The following TET3 variants were observed in gnomAD, a reference collection of about 807,000 sequenced individuals.
The protein encoded by TET3 is methylcytosine dioxygenase TET3.
In TET3, 19 loss-of-function variants were observed where a neutral mutation model predicts 141.4. That is an observed-to-expected ratio of 0.13 (90% CI 0.09 to 0.20). TET3 has a LOEUF of 0.20. Ranked by LOEUF, TET3 falls within the 10% of genes least tolerant of loss-of-function variation. The pLI is 1.00. For missense variants in TET3, 1,874 were observed against 2,356.9 expected (o/e 0.80, Z 4.24); for synonymous variants, 1,043 against 980.9 (o/e 1.06, Z -1.18).
chr2:74,011,257 A>C (rs1685420158), intron 3 of TET3, among the ~76,000 whole-genome samples: 1 of 152,130 alleles, frequency 6.6e-6, no homozygotes, highest in African/African-American at 2.4e-5. Context: ...CACTTTAAAA[A>C]TTGAAGTATA....
intron 3 of TET3, among the ~76,000 whole-genome samples, chr2:74,038,776 G>A (rs974665041): frequency 6.6e-6 from 1 of 152,192 alleles, no homozygotes; most frequent in African/African-American, 2.4e-5. Context: ...TTCCCTAGGA[G>A]CAAATGGTGT....
At chr2:74,012,342 C>T (rs187299933) in intron 3 of TET3, among the ~76,000 whole-genome samples, 10 of 152,316 alleles carry the variant, frequency 6.6e-5, no homozygotes, top group Admixed American at 3.3e-4. Flanking sequence ...TGTTTAGTGT[C>T]GTTTGTAGAA....
At chr2:74,010,492 C>G (rs1158992012) in intron 3 of TET3, among the ~76,000 whole-genome samples, 1 of 152,242 alleles carries the variant, frequency 6.6e-6, no homozygotes, top group African/African-American at 2.4e-5. Context: ...ACTGGTCCCT[C>G]TGGTTCAACG....
the TET3 span, among the ~76,000 whole-genome samples, chr2:74,115,302 TCC>T: frequency 1.3e-5 from 2 of 152,142 alleles, no homozygotes; most frequent in African/African-American, 2.4e-5. Context: ...CAAATGATTA[TCC>T]TAAGTTTCTC....
intron 4 of TET3, among the ~76,000 whole-genome samples, chr2:74,070,977 G>GA (rs563927301): frequency 7.0e-4 from 106 of 151,840 alleles, no homozygotes; most frequent in African/African-American, 2.3e-3. Flanking sequence ...CCTGTCTCTA[G>GA]AAAAAAAATC....
At chr2:74,091,362 T>A (rs1012585653) in intron 8 of TET3, among the ~76,000 whole-genome samples, 2 of 152,252 alleles carry the variant, frequency 1.3e-5, no homozygotes, top group African/African-American at 4.8e-5. Flanking sequence ...CTAAGCACTT[T>A]GCCAAGCCCC....
Position 74,101,574 on chromosome 2 carries a change from C to T in TET3, c.4786C>T (p.Leu1596=), listed in dbSNP as rs1691218773. ...LGSSEKLFGA[L]KSEEKLWDPF... is the part of the protein sequence containing the mutation. ...ATCCAGCGAGAAGCTGTTTGGGGCT[C>T]TGAAGTCAGAGGAGAAGCTGTGGGA... The change falls in exon 12 of 12, where the codon CTG becomes TTG. Residue 1596 remains leucine (L), a synonymous_variant. Transcript: ENST00000409262. The surrounding 1 kb of genome is among the most constrained non-coding windows in gnomAD (Gnocchi z 8.5). 1 of 1,608,928 alleles carries T rather than the reference C, an allele frequency of 6.2e-7. No individual in the cohort carries two copies.
intron 8 of TET3, among the ~76,000 whole-genome samples, chr2:74,090,636 A>G (rs926530262): frequency 1.3e-5 from 2 of 151,836 alleles, no homozygotes; most frequent in African/African-American, 2.4e-5. Flanking sequence ...CCTTACCCAG[A>G]CCCCTGCCCT....
chr2:74,008,561 G>C (rs916794482), intron 3 of TET3, among the ~76,000 whole-genome samples: 2 of 152,048 alleles, frequency 1.3e-5, no homozygotes, highest in Non-Finnish European at 2.9e-5. Context: ...TTTTCCCCTG[G>C]GGGTTGATTG....
At chr2:74,088,147 G>T (rs1690263101) in intron 7 of TET3, 109 bp downstream of exon 7, 3 of 1,132,518 alleles carry the variant, frequency 2.6e-6, no homozygotes, top group Non-Finnish European at 3.7e-6. Flanking sequence ...CCTCTCTGCG[G>T]CACTGTTTGT....
intron 4 of TET3, among the ~76,000 whole-genome samples, chr2:74,067,225 G>C (rs569139579): frequency 6.6e-6 from 1 of 152,050 alleles, no homozygotes; most frequent in African/African-American, 2.4e-5. Context: ...TAACTTTTTA[G>C]TTGAAAATAC....
chr2:74,032,124 C>T (rs1173202677), intron 3 of TET3, among the ~76,000 whole-genome samples: 1 of 150,006 alleles, frequency 6.7e-6, no homozygotes, highest in African/African-American at 2.4e-5. Context: ...TGTCCTCCTT[C>T]TCTAAACCTG....
intron 4 of TET3, among the ~76,000 whole-genome samples, chr2:74,048,667 A>G (rs1687780261): frequency 6.6e-6 from 1 of 152,222 alleles, no homozygotes; most frequent in African/African-American, 2.4e-5. Flanking sequence ...AAGGCATAAT[A>G]GAGGCCTTCT....
intron 3 of TET3, among the ~76,000 whole-genome samples, chr2:74,042,988 C>G (rs1687423929): frequency 6.6e-6 from 1 of 152,176 alleles, no homozygotes; most frequent in South Asian, 2.1e-4. Flanking sequence ...AAGAGCCATC[C>G]TAGCCCTTCC....
At chr2:74,054,136 G>A (rs1027880124) in intron 4 of TET3, among the ~76,000 whole-genome samples, 6 of 152,126 alleles carry the variant, frequency 3.9e-5, no homozygotes, top group Non-Finnish European at 8.8e-5. Context: ...CGGGTGTGAC[G>A]GGTGTGGAGG....
intron 3 of TET3, among the ~76,000 whole-genome samples, chr2:74,030,551 A>G (rs1198288636): frequency 1.3e-5 from 2 of 152,184 alleles, no homozygotes. Flanking sequence ...AGTAGTCTTT[A>G]TTGCTCTTGA....
At chr2:74,038,054 G>A (rs957591936) in intron 3 of TET3, among the ~76,000 whole-genome samples, 4 of 152,166 alleles carry the variant, frequency 2.6e-5, no homozygotes, top group African/African-American at 9.7e-5. Context: ...GCCTGCAGAT[G>A]TCTGGAGGAC....
rs1050868135 is a variant in TET3 at position 74,087,959 on chromosome 2, G to A, written c.2809G>A (p.Asp937Asn). The change falls in exon 7 of 12, where the codon GAC becomes AAC. Residue 937 changes from aspartate (D) to asparagine (N), a missense_variant. By Grantham distance (23) the Asp-to-Asn change is conservative. Transcript: ENST00000409262. The surrounding 1 kb of genome is among the most constrained non-coding windows in gnomAD (Gnocchi z 4.3). Reference sequence around the variant, plus strand: ...GGAGGGCATTCCCCGTAGCCTCGGAGACACCCTCTACCAGGAGCTCACCGA... The same window carrying A: ...GGAGGGCATTCCCCGTAGCCTCGGAAACACCCTCTACCAGGAGCTCACCGA... ...AWEGIPRSLG[D>N]TLYQELTDTL... 1 of 1,556,490 alleles carries A rather than the reference G, an allele frequency of 6.4e-7. No homozygotes were observed. Among genetic ancestry groups the A allele is most frequent in the African/African-American group, 1.4e-5 (1 of 73,182 alleles).
chr2:74,052,792 C>T (rs1461430259), intron 4 of TET3, among the ~76,000 whole-genome samples: 1 of 152,112 alleles, frequency 6.6e-6, no homozygotes, highest in African/African-American at 2.4e-5. Context: ...ATCACTTGAA[C>T]CTGGGAGGCC....
Sources: allele counts gnomAD v4.1 joint callset (sites outside exome capture counted in the v4.1 genomes callset), GRCh38; gene constraint gnomAD v4.1.1; non-coding constraint Gnocchi (gnomAD v3.1); transcripts MANE v1.5; gene names NCBI Gene and HGNC (gene_info 2026-07-23, HGNC 2026-07-21).